SYN3: variants seen among roughly 807,000 people sequenced by gnomAD.
The protein encoded by SYN3 is synapsin III, also known as synapsin-3.
A neutral mutation model predicts 65.8 loss-of-function variants in SYN3; 35 were observed. That is an observed-to-expected ratio of 0.53 (90% CI 0.41 to 0.70). The LOEUF (loss-of-function observed/expected upper bound fraction) is 0.70, where lower values mean the gene tolerates loss of function less well. Among genes scored for constraint, SYN3 ranks in the 30% least tolerant of loss-of-function variants. SYN3 has a pLI of 0.00. For synonymous variants in SYN3, 270 were observed against 292.9 expected (o/e 0.92, Z 0.80); for missense variants, 680 against 749.0 (o/e 0.91, Z 1.08).
At chr22:32,682,225 A>G (rs2060533674) in intron 6 of SYN3, among the ~76,000 whole-genome samples, 1 of 152,188 alleles carries the variant, frequency 6.6e-6, no homozygotes, top group African/African-American at 2.4e-5. Context: ...AAGGTCAGGG[A>G]TTCTGCAAAA....
chr22:32,802,053 G>A (rs1324470172), intron 6 of SYN3: 2 of 1,577,050 alleles, frequency 1.3e-6, no homozygotes, highest in East Asian at 2.3e-5. Context: ...GAGCCTGGGG[G>A]ACTGGGGCGC....
At chr22:32,649,009 C>T (rs131067) in intron 6 of SYN3, among the ~76,000 whole-genome samples, 114,923 of 152,098 alleles carry the variant, frequency 0.76, 43,926 homozygotes, top group East Asian at 0.95. Context: ...CCACCTATTA[C>T]AGTTGATTGT....
chr22:32,922,777 T>C lies in SYN3; in HGVS notation c.461+8613A>G, dbSNP rs948067385. Among the ~76,000 whole-genome samples, 9 of 152,222 alleles carry C rather than the reference T, an allele frequency of 5.9e-5. 1 individual carries two copies. Among genetic ancestry groups the C allele is most frequent in the African/African-American group, 2.2e-4 (9 of 41,560 alleles). Reference sequence around the variant, plus strand: ...CTTGGGTCCCAGTGAGATATTCCAATTGACTGGGGCTAGTCATGTGCCATC... The same window carrying C: ...CTTGGGTCCCAGTGAGATATTCCAACTGACTGGGGCTAGTCATGTGCCATC... On this transcript the variant is annotated intron_variant, in intron 4 of 13. Coordinates refer to ENST00000358763, the MANE Select transcript of SYN3 (RefSeq NM_003490.4).
In SYN3 at chr22:33,035,567, C is replaced by G. The variant is rs75424596; in HGVS notation, c.-163+22725G>C. ...CGTGCCAAATGTAACTTTAGGTCTACGATCTAAATCAAGGTCTTTATTTTT... is the reference window on the plus strand; with the variant it reads ...CGTGCCAAATGTAACTTTAGGTCTAGGATCTAAATCAAGGTCTTTATTTTT... On this transcript the variant is annotated intron_variant, in intron 1 of 13. Coordinates refer to ENST00000358763, the MANE Select transcript of SYN3 (RefSeq NM_003490.4). Among the ~76,000 whole-genome samples, 1,140 of 152,248 alleles carry G rather than the reference C, an allele frequency of 7.5e-3. 17 individuals are homozygous for G. Among genetic ancestry groups the G allele is most frequent in the African/African-American group, 0.026 (1,086 of 41,548 alleles).
intron 2 of SYN3, among the ~76,000 whole-genome samples, chr22:32,999,564 T>C (rs1349535776): frequency 1.3e-5 from 2 of 152,102 alleles, no homozygotes; most frequent in Non-Finnish European, 2.9e-5. Context: ...GTGCCTGCAA[T>C]CCCAGACCCC....
At chr22:32,663,307 CTTT>C (rs1555918916) in intron 6 of SYN3, among the ~76,000 whole-genome samples, 4 of 142,558 alleles carry the variant, frequency 2.8e-5, no homozygotes, top group Admixed American at 7.0e-5. Context: ...CTTTTCTTCT[CTTT>C]TTTTTTTTTT....
At chr22:32,823,673 C>A (rs1372534187) in intron 6 of SYN3, among the ~76,000 whole-genome samples, 1 of 152,154 alleles carries the variant, frequency 6.6e-6, no homozygotes, top group Non-Finnish European at 1.5e-5. Flanking sequence ...CTGGCTGAGG[C>A]AGGAAGAAGC....
At chr22:32,923,382 C>T (rs549116628) in intron 4 of SYN3, among the ~76,000 whole-genome samples, 1 of 152,336 alleles carries the variant, frequency 6.6e-6, no homozygotes, top group Non-Finnish European at 1.5e-5. Flanking sequence ...CTGATTCCAA[C>T]GCTCTTCCAG....
At chr22:33,052,211 A>T (rs1010337602) in intron 1 of SYN3, among the ~76,000 whole-genome samples, 1 of 152,036 alleles carries the variant, frequency 6.6e-6, no homozygotes, top group African/African-American at 2.4e-5. Context: ...CCTCTTCCAA[A>T]ACCTTGGGCT....
chr22:32,761,336 T>G (rs900765590), intron 6 of SYN3, among the ~76,000 whole-genome samples: 1 of 152,098 alleles, frequency 6.6e-6, no homozygotes, highest in Non-Finnish European at 1.5e-5. Context: ...AAATGGGACA[T>G]GAGAGAGAGG....
At chr22:32,873,845 G>A (rs73881903) in intron 4 of SYN3, among the ~76,000 whole-genome samples, 4,673 of 152,210 alleles carry the variant, frequency 0.031, 222 homozygotes, top group African/African-American at 0.11. Flanking sequence ...TAGATGAGTC[G>A]GCCAAATGCA....
intron 7 of SYN3, among the ~76,000 whole-genome samples, chr22:32,563,379 A>G (rs1569041255): frequency 6.6e-6 from 1 of 152,252 alleles, no homozygotes; most frequent in Non-Finnish European, 1.5e-5. Context: ...GTGTGGATGC[A>G]AAGCAGGGAG....
chr22:32,530,813 G>A (rs1209194036), intron 10 of SYN3, among the ~76,000 whole-genome samples: 2 of 151,828 alleles, frequency 1.3e-5, no homozygotes, highest in Non-Finnish European at 2.9e-5. Flanking sequence ...GACCATCCTG[G>A]CCAACACGGT....
At chr22:32,678,021 G>C (rs2060470484) in intron 6 of SYN3, among the ~76,000 whole-genome samples, 1 of 152,162 alleles carries the variant, frequency 6.6e-6, no homozygotes, top group Admixed American at 6.5e-5. Flanking sequence ...GTGTCATGAG[G>C]AAGGTGAGGC....
intron 7 of SYN3, among the ~76,000 whole-genome samples, chr22:32,586,840 G>A (rs915496900): frequency 1.3e-5 from 2 of 152,158 alleles, no homozygotes; most frequent in Non-Finnish European, 2.9e-5. Context: ...TCATTGCAGA[G>A]GATGTGTAAA....
At chr22:32,772,184 G>C (rs930199388) in intron 6 of SYN3, among the ~76,000 whole-genome samples, 5 of 152,126 alleles carry the variant, frequency 3.3e-5, no homozygotes, top group Admixed American at 1.3e-4. Flanking sequence ...GGCCACAGGG[G>C]GGGAGAAAAG....
At chr22:32,677,439 G>T (rs1601895139) in intron 6 of SYN3, among the ~76,000 whole-genome samples, 1 of 152,174 alleles carries the variant, frequency 6.6e-6, no homozygotes, top group South Asian at 2.1e-4. Context: ...GGAATAAATT[G>T]TGGCTCAATC....
chr22:32,852,530 C>G (rs1233803230), intron 6 of SYN3, among the ~76,000 whole-genome samples: 1 of 152,182 alleles, frequency 6.6e-6, no homozygotes, highest in Non-Finnish European at 1.5e-5. Context: ...GCAGATTAGA[C>G]AGTCTACCCT....
chr22:32,819,878 C>T (rs573194254), intron 6 of SYN3, among the ~76,000 whole-genome samples: 21 of 152,318 alleles, frequency 1.4e-4, no homozygotes, highest in Admixed American at 1.3e-3. Context: ...CCACTCACTG[C>T]CTGACTTCCT....
Sources: gnomAD v4.1 joint callset for allele counts (sites outside exome capture counted in the v4.1 genomes callset) on GRCh38, gnomAD v4.1.1 for gene constraint, MANE v1.5 for transcripts, NCBI Gene and HGNC (gene_info 2026-07-23, HGNC 2026-07-21) for gene names.